The following CAMK2D variants were observed in gnomAD, a reference collection of about 807,000 sequenced individuals.
CAMK2D encodes calcium/calmodulin dependent protein kinase II delta.
A neutral mutation model predicts 84.0 loss-of-function variants in CAMK2D; 37 were observed. The ratio of observed to expected loss-of-function variants is 0.44; its 90% CI spans 0.34 to 0.58. CAMK2D has a LOEUF of 0.58. Among genes scored for constraint, CAMK2D ranks in the 20% least tolerant of loss-of-function variants. The pLI is 0.02. For missense variants in CAMK2D, 448 were observed against 652.5 expected (o/e 0.69, Z 3.41); for synonymous variants, 202 against 212.5 (o/e 0.95, Z 0.43).
chr4:113,667,916 A>G (rs2099263883), intron 2 of CAMK2D, among the ~76,000 whole-genome samples: 1 of 152,202 alleles, frequency 6.6e-6, no homozygotes, highest in Non-Finnish European at 1.5e-5. Flanking sequence ...GGCAAAGTAG[A>G]ATTAGATATA....
chr4:113,636,230 T>G (rs2099109382), intron 3 of CAMK2D, among the ~76,000 whole-genome samples: 1 of 152,202 alleles, frequency 6.6e-6, no homozygotes. Flanking sequence ...CCTTGACCTC[T>G]CTCTGTCCAT....
chr4:113,700,351 T>C (rs1048995674), intron 2 of CAMK2D, among the ~76,000 whole-genome samples: 2 of 152,166 alleles, frequency 1.3e-5, no homozygotes, highest in African/African-American at 4.8e-5. Flanking sequence ...AAAATCACCA[T>C]ATACTGACAA....
chr4:113,754,464 A>C (rs2099623914), intron 2 of CAMK2D: 1 of 921,752 alleles, frequency 1.1e-6, no homozygotes, highest in African/African-American at 1.8e-5. Context: ...AAGGTGACAT[A>C]TTGCTAAATT....
intron 2 of CAMK2D, among the ~76,000 whole-genome samples, chr4:113,746,659 A>C (rs1007610963): frequency 1.3e-5 from 2 of 152,142 alleles, no homozygotes; most frequent in Non-Finnish European, 2.9e-5. Context: ...AATTTTTCCC[A>C]AAAATAACTT....
At chr4:113,714,776 G>GT (rs1295611949) in intron 2 of CAMK2D, among the ~76,000 whole-genome samples, 4 of 152,054 alleles carry the variant, frequency 2.6e-5, no homozygotes, top group Non-Finnish European at 4.4e-5. Context: ...CATTTTTCTT[G>GT]TGAGAGCATT....
chr4:113,749,913 A>G (rs2099613417), intron 2 of CAMK2D, among the ~76,000 whole-genome samples: 1 of 152,228 alleles, frequency 6.6e-6, no homozygotes, highest in African/African-American at 2.4e-5. Context: ...TCAATTTTCA[A>G]TTTACTTTGC....
intron 3 of CAMK2D, among the ~76,000 whole-genome samples, chr4:113,617,617 TC>T (rs941684107): frequency 2.7e-5 from 4 of 149,362 alleles, no homozygotes; most frequent in African/African-American, 9.7e-5. Context: ...AGAAGGCACA[TC>T]CCTTGCTGAT....
At chr4:113,468,397 G>A (rs1324780700) in intron 16 of CAMK2D, among the ~76,000 whole-genome samples, 1 of 152,156 alleles carries the variant, frequency 6.6e-6, no homozygotes, top group Non-Finnish European at 1.5e-5. Flanking sequence ...TGACTCGTTT[G>A]GCTTAGGAGG....
intron 3 of CAMK2D, among the ~76,000 whole-genome samples, chr4:113,656,289 G>C (rs1019318559): frequency 1.3e-5 from 2 of 152,100 alleles, no homozygotes; most frequent in Non-Finnish European, 2.9e-5. Context: ...AAAACGGGCT[G>C]TACTCTACAA....
intron 3 of CAMK2D, among the ~76,000 whole-genome samples, chr4:113,646,367 A>C (rs1216465498): frequency 6.6e-6 from 1 of 152,248 alleles, no homozygotes; most frequent in African/African-American, 2.4e-5. Context: ...ATGAAGTTTT[A>C]CATACTACTG....
In CAMK2D at chr4:113,454,215, CAG is replaced by C. The variant is rs1161781828; in HGVS notation, c.*328_*329del. 1 of 246,766 alleles carries C rather than the reference CAG, an allele frequency of 4.1e-6. No homozygotes were observed. Among genetic ancestry groups the C allele is most frequent in the Non-Finnish European group, 7.7e-6 (1 of 129,884 alleles). The allele number at this position is 246,766 out of a possible 1,614,324, so 15.3% of individuals were successfully genotyped here. A position where few individuals can be genotyped will look rare whatever the true frequency, so the allele number is the denominator to read the frequency against. On this transcript the variant is annotated 3_prime_UTR_variant, in exon 21 of 21. Coordinates refer to ENST00000511664, the MANE Select transcript of CAMK2D (RefSeq NM_001321571.2). The stretch of plus-strand genomic sequence containing the variant: ...TAAGTCTGTTAAATCTTGGCATTAA[CAG>C]AGAAACTTGATGAAGAGTTGTACTT...
intron 13 of CAMK2D, among the ~76,000 whole-genome samples, chr4:113,508,515 A>G (rs6820677): frequency 0.035 from 5,387 of 152,280 alleles, 275 homozygotes; most frequent in African/African-American, 0.12. Context: ...TGTTTGGAAA[A>G]TGTAAGATAC....
chr4:113,744,581 TCTTTC>T (rs1339012284), intron 2 of CAMK2D, among the ~76,000 whole-genome samples: 1 of 152,226 alleles, frequency 6.6e-6, no homozygotes, highest in Non-Finnish European at 1.5e-5. Context: ...GGCCCTCTTT[TCTTTC>T]CTTTCTATAC....
At chr4:113,754,065 G>A (rs2099623065) in intron 2 of CAMK2D, 1 of 868,190 alleles carries the variant, frequency 1.2e-6, no homozygotes, top group Admixed American at 6.2e-5. Context: ...ATGTGAATAT[G>A]CTTAATGATC....
intron 4 of CAMK2D, among the ~76,000 whole-genome samples, chr4:113,566,645 C>T (rs566860479): frequency 1.2e-4 from 18 of 152,294 alleles, no homozygotes; most frequent in Admixed American, 8.5e-4. Context: ...CACCCTAGGA[C>T]TTGGGATGTT....
intron 2 of CAMK2D, among the ~76,000 whole-genome samples, chr4:113,697,823 C>T (rs1201075571): frequency 2.0e-5 from 3 of 151,984 alleles, no homozygotes; most frequent in African/African-American, 7.2e-5. Context: ...AATTAAACTC[C>T]GAAGAACAAA....
intron 20 of CAMK2D, among the ~76,000 whole-genome samples, chr4:113,455,018 T>C (rs932614651): frequency 6.6e-6 from 1 of 152,208 alleles, no homozygotes; most frequent in Non-Finnish European, 1.5e-5. Context: ...TCTCCTTTGC[T>C]GAAAGCAACA....
At chr4:113,610,016 T>C (rs1436099406) in intron 3 of CAMK2D, among the ~76,000 whole-genome samples, 2 of 152,176 alleles carry the variant, frequency 1.3e-5, no homozygotes, top group East Asian at 3.8e-4. Flanking sequence ...TTATCCTTCA[T>C]AGAGAGTGAA....
chr4:113,460,295 T>C (rs2097357107), intron 17 of CAMK2D, 54 bp from the exon 18 acceptor site: 1 of 937,024 alleles, frequency 1.1e-6, no homozygotes, highest in Non-Finnish European at 1.7e-6. Context: ...TAATGTGTTT[T>C]GTTGTTTCAT....
Sources: gnomAD v4.1 joint callset for allele counts (sites outside exome capture counted in the v4.1 genomes callset) on GRCh38, gnomAD v4.1.1 for gene constraint, MANE v1.5 for transcripts, NCBI Gene and HGNC (gene_info 2026-07-23, HGNC 2026-07-21) for gene names.